Variants in ITLN2 observed in about 807,000 individuals in gnomAD.
ITLN2 encodes intelectin-2.
Under a neutral mutation model 39.4 loss-of-function variants are expected in ITLN2, and 29 were observed. The ratio of observed to expected loss-of-function variants is 0.74; its 90% CI spans 0.55 to 1.00. ITLN2 has a LOEUF of 1.00. Among genes scored for constraint, ITLN2 ranks in the 50% least tolerant of loss-of-function variants. The pLI is 0.00. For missense variants in ITLN2, 412 were observed against 416.7 expected, an observed-to-expected ratio of 0.99 and a Z score of 0.10; for synonymous variants, 156 against 153.4, an observed-to-expected ratio of 1.02 and a Z score of -0.12.
At chr1:160,946,112 T>C (rs910978421) in intron 7 of ITLN2, among the ~76,000 whole-genome samples, 1 of 151,636 alleles carries the variant, frequency 6.6e-6, no homozygotes, top group Non-Finnish European at 1.5e-5. Flanking sequence ...TTTGAGAACA[T>C]GGAGAAACCC....
chr1:160,954,463 A>T lies in ITLN2; in HGVS notation c.16-13T>A, dbSNP rs1198199286. On this transcript the variant is annotated splice_polypyrimidine_tract_variant and intron_variant, in intron 1 of 7. Coordinates refer to ENST00000368029, the MANE Select transcript of ITLN2 (RefSeq NM_080878.3). Reference sequence around the variant, plus strand: ...TGGTCATTGTCCTCTAAGGAAAAACAAGATGCACAAGGTCACTGGCTGGCC... The same window carrying T: ...TGGTCATTGTCCTCTAAGGAAAAACTAGATGCACAAGGTCACTGGCTGGCC... The T allele has an allele frequency of 6.4e-7, 1 of 1,569,588 alleles. No homozygotes were observed. Among genetic ancestry groups the T allele is most frequent in the African/African-American group, 1.3e-5 (1 of 74,422 alleles).
rs377349641 is a variant in ITLN2, at chr1:160,945,758, G to C, written c.826-466C>G. On this transcript the variant is annotated intron_variant, in intron 7 of 7. Transcript: ENST00000368029. ...AAGGGGGCCCTAAGTGAATGCCCTT[G>C]TTCTTGATGGCTCTGACGCTCTCTT... Among the ~76,000 whole-genome samples the C allele has an allele frequency of 7.2e-4, 109 of 152,246 alleles. 2 individuals are homozygous for C. In the South Asian group the frequency reaches 0.022, roughly 31 times the overall value.
intron 2 of ITLN2, 133 bp downstream of exon 2, chr1:160,954,253 TG>T: frequency 1.4e-6 from 1 of 695,288 alleles, no homozygotes; most frequent in Non-Finnish European, 2.4e-6. Flanking sequence ...CTGCCTAGCC[TG>T]GGTTCCCTGC....
In ITLN2 at chr1:160,952,751, G is replaced by A. The variant is rs529906970; in HGVS notation, c.80-18C>T. 4.5e-6 allele frequency: 7 copies of A among 1,567,536 alleles called. No homozygotes were observed. In the South Asian group the frequency reaches 7.8e-5, roughly 17 times the overall value. On this transcript the variant is annotated intron_variant, in intron 2 of 7. Transcript: ENST00000368029. ...GGCTGCTGCTAGAAAATGTGAGAATGAGTCTCATTAGAAGTCTGACCACTG... is the reference window on the plus strand; with the variant it reads ...GGCTGCTGCTAGAAAATGTGAGAATAAGTCTCATTAGAAGTCTGACCACTG...
rs1243812883 is a variant in ITLN2, at chr1:160,945,158, T to C, written c.960A>G (p.Val320=). The change falls in exon 8 of 8, where the codon GTA becomes GTG. Residue 320 remains valine (V), a synonymous_variant. Transcript: ENST00000368029. ...SCSREITEAA[V]LLFYR is the part of the protein sequence containing the mutation. ...CTCTGTCTCATCTATAGAACAAGAGTACAGCCGCCTCCGTTATCTCCCGAC... is the reference window on the plus strand; with the variant it reads ...CTCTGTCTCATCTATAGAACAAGAGCACAGCCGCCTCCGTTATCTCCCGAC... 1 of 1,602,282 alleles carries C rather than the reference T, an allele frequency of 6.2e-7. No individual in the cohort carries two copies. Among genetic ancestry groups the C allele is most frequent in the Non-Finnish European group, 8.5e-7 (1 of 1,176,940 alleles).
At chr1:160,952,531 G>T in intron 3 of ITLN2, 89 bp downstream of exon 3, 1 of 886,794 alleles carries the variant, frequency 1.1e-6, no homozygotes, top group East Asian at 2.5e-5. Flanking sequence ...GGCTCCATAT[G>T]GATATGTCCC....
Position 160,950,094 on chromosome 1 carries a change from A to G in ITLN2, c.673T>C (p.Phe225Leu). 6.2e-7 allele frequency: 1 copy of G among 1,613,916 alleles called. No homozygotes were observed. The highest frequency in any genetic ancestry group is 1.1e-5 in the South Asian group (1 of 91,072). ...GATGCAGTCTTCTTAGCATCACCAAAGTCATAGACCACAGGTATGGCTGGG... is the reference window on the plus strand; with the variant it reads ...GATGCAGTCTTCTTAGCATCACCAAGGTCATAGACCACAGGTATGGCTGGG... Reference protein sequence around the residue: ...NGPAIPVVYDFGDAKKTASYY... With the variant: ...NGPAIPVVYDLGDAKKTASYY... Residue 225 changes from phenylalanine to leucine, a missense_variant, in exon 6 of 8, where the codon TTT becomes CTT. By Grantham distance (22) the Phe-to-Leu change is conservative. Transcript: ENST00000368029.
At chr1:160,946,500 A>T (rs1671606265) in intron 7 of ITLN2, among the ~76,000 whole-genome samples, 1 of 152,060 alleles carries the variant, frequency 6.6e-6, no homozygotes, top group Non-Finnish European at 1.5e-5. Flanking sequence ...TCACGAGGTC[A>T]GGAGATCAAG....
Position 160,947,506 on chromosome 1 carries a change from C to T in ITLN2, c.825+423G>A, listed in dbSNP as rs557015767. On this transcript the variant is annotated intron_variant, in intron 7 of 7. Transcript: ENST00000368029. Reference sequence around the variant, plus strand: ...GTGTCAGGCTGGGGGATGGTAAGGTCTTTCCTCTCCCATGAGGCCATATCT... The same window carrying T: ...GTGTCAGGCTGGGGGATGGTAAGGTTTTTCCTCTCCCATGAGGCCATATCT... Among the ~76,000 whole-genome samples, 107 of 152,332 alleles carry T rather than the reference C, an allele frequency of 7.0e-4. 1 individual carries two copies. Among genetic ancestry groups the T allele is most frequent in the Non-Finnish European group, 1.2e-3 (83 of 68,032 alleles).
chr1:160,948,169 C>T, intron 6 of ITLN2, 137 bp from the exon 7 acceptor site: 1 of 654,120 alleles, frequency 1.5e-6, no homozygotes, highest in Non-Finnish European at 2.7e-6. Flanking sequence ...GGGGTGCAGC[C>T]CAGTACCTTT....
At chr1:160,946,984 A>G (rs1490938918) in intron 7 of ITLN2, among the ~76,000 whole-genome samples, 1 of 152,200 alleles carries the variant, frequency 6.6e-6, no homozygotes, top group Non-Finnish European at 1.5e-5. Flanking sequence ...TAAGACACAG[A>G]GACAAAGTAT....
In ITLN2 at chr1:160,950,552, C is replaced by T. The variant is rs201557263; in HGVS notation, c.600+1G>A. On this transcript the variant is annotated splice_donor_variant, in intron 5 of 7. Transcript: ENST00000368029. LOFTEE classifies it high-confidence loss of function. ...GCCCCCCAGCCAGCAGCCCTGTGTA[C>T]CTGGTAGATGCCAAACAGATTATGT... 2.3e-5 allele frequency: 37 copies of T among 1,613,494 alleles called. No individual in the cohort carries two copies. In the Admixed American group the frequency reaches 3.0e-4, roughly 13 times the overall value.
At position 160,951,083 on chromosome 1, in the gene ITLN2, G is replaced by C. The variant is rs1169939224; in HGVS notation, c.401C>G (p.Thr134Ser). 1 of 1,614,172 alleles carries C rather than the reference G, an allele frequency of 6.2e-7. No individual in the cohort carries two copies. Among genetic ancestry groups the C allele is most frequent in the African/African-American group, 1.3e-5 (1 of 75,026 alleles). Residue 134 changes from threonine to serine, a missense_variant, in exon 4 of 8, where the codon ACC becomes AGC. Transcript: ENST00000368029. ...EGDGNWANYNTFGSAEAATSD... is the reference protein window; with the variant it reads ...EGDGNWANYNSFGSAEAATSD... ...CGTGGCCGCCTCTGCAGATCCAAAG[G>C]TGTTGTAGTTGGCCCAGTTGCCATC...
intron 6 of ITLN2, chr1:160,949,031 A>T (rs1445185641): frequency 6.6e-6 from 1 of 152,120 alleles, no homozygotes; most frequent in Non-Finnish European, 1.5e-5. Flanking sequence ...CATCTCAGAG[A>T]GGGGGACGTG....
intron 7 of ITLN2, among the ~76,000 whole-genome samples, chr1:160,946,307 C>A (rs112703343): frequency 0.039 from 5,982 of 151,736 alleles, 368 homozygotes; most frequent in African/African-American, 0.13. Flanking sequence ...GTGAAACTCC[C>A]TCTCAAAAAA....
intron 7 of ITLN2, among the ~76,000 whole-genome samples, chr1:160,947,287 T>C (rs1199476567): frequency 1.3e-5 from 2 of 152,244 alleles, no homozygotes; most frequent in Non-Finnish European, 2.9e-5. Flanking sequence ...AGAGCAGTAT[T>C]GCTGCCAGCA....
At chr1:160,951,483 A>G in intron 3 of ITLN2, 193 bp from the exon 4 acceptor site, 3 of 672,814 alleles carry the variant, frequency 4.5e-6, no homozygotes, top group Non-Finnish European at 7.1e-6. Context: ...TTGGCTTCAC[A>G]CTATCTTTTC....
chr1:160,947,692 G>A (rs1671637771), intron 7 of ITLN2, among the ~76,000 whole-genome samples: 1 of 152,204 alleles, frequency 6.6e-6, no homozygotes, highest in Admixed American at 6.5e-5. Context: ...TGTTAACAAG[G>A]CACATCCTGC....
intron 4 of ITLN2, 144 bp from the exon 5 acceptor site, chr1:160,950,855 A>G: frequency 6.9e-7 from 1 of 1,456,142 alleles, no homozygotes; most frequent in Non-Finnish European, 9.4e-7. Flanking sequence ...CTCCCAGCTG[A>G]TGATCCCACC....
Sources: allele counts gnomAD v4.1 joint callset (sites outside exome capture counted in the v4.1 genomes callset), GRCh38; gene constraint gnomAD v4.1.1; transcripts MANE v1.5; gene names NCBI Gene and HGNC (gene_info 2026-07-23, HGNC 2026-07-21).